Variants in GRM3 observed in about 807,000 individuals in gnomAD.
GRM3 encodes glutamate metabotropic receptor 3, also known as metabotropic glutamate receptor 3.
In GRM3, 26 loss-of-function variants were observed where a neutral mutation model predicts 70.5. The observed-to-expected ratio is 0.37, with a 90% CI of 0.27 to 0.51. GRM3 has a LOEUF of 0.51. GRM3 is among the 20% of genes least tolerant of loss of function. The probability of loss-of-function intolerance (pLI) is 0.93; values close to 1 mark genes in which losing one functional copy is unlikely to be tolerated. For synonymous variants in GRM3, 443 were observed against 434.9 expected, an observed-to-expected ratio of 1.02 and a Z score of -0.23; for missense variants, 859 against 1,123.8, an observed-to-expected ratio of 0.76 and a Z score of 3.37.
intron 1 of GRM3, among the ~76,000 whole-genome samples, chr7:86,715,409 C>T (rs886592252): frequency 2.6e-5 from 4 of 151,984 alleles, no homozygotes; most frequent in Non-Finnish European, 5.9e-5. Context: ...CTCCCTGAGC[C>T]TCTGTTTCCT....
intron 3 of GRM3, among the ~76,000 whole-genome samples, chr7:86,819,968 A>G (rs1183089930): frequency 2.6e-5 from 4 of 152,146 alleles, no homozygotes; most frequent in Non-Finnish European, 5.9e-5. Context: ...TACCTTTCCA[A>G]AAAGCTTCTG....
chr7:86,746,443 A>T (rs1329466686), intron 1 of GRM3, among the ~76,000 whole-genome samples: 1 of 148,056 alleles, frequency 6.8e-6, no homozygotes, highest in Non-Finnish European at 1.5e-5. Flanking sequence ...AAGTGGATAG[A>T]CTGCTAGAAT....
At chr7:86,744,176 C>G (rs546110725) in intron 1 of GRM3, among the ~76,000 whole-genome samples, 2 of 152,006 alleles carry the variant, frequency 1.3e-5, no homozygotes, top group Admixed American at 1.3e-4. Context: ...CAGCATAACT[C>G]ACACTCCCCT....
chr7:86,769,104 C>A (rs913025974), intron 2 of GRM3, among the ~76,000 whole-genome samples: 1 of 152,070 alleles, frequency 6.6e-6, no homozygotes, highest in African/African-American at 2.4e-5. Flanking sequence ...GAGAAGATTT[C>A]TCTGGGTACC....
chr7:86,759,224 T>C (rs1796420884), intron 1 of GRM3, among the ~76,000 whole-genome samples: 1 of 152,108 alleles, frequency 6.6e-6, no homozygotes, highest in Admixed American at 6.6e-5. Flanking sequence ...TAACATGTAT[T>C]CTAATTCTTT....
intron 3 of GRM3, among the ~76,000 whole-genome samples, chr7:86,813,480 A>T (rs1237479853): frequency 2.0e-5 from 3 of 151,894 alleles, no homozygotes; most frequent in African/African-American, 7.2e-5. Flanking sequence ...TACAGAGAAC[A>T]GCAGTTGAAT....
At chr7:86,729,156 C>A (rs1318260148) in intron 1 of GRM3, among the ~76,000 whole-genome samples, 1 of 152,008 alleles carries the variant, frequency 6.6e-6, no homozygotes, top group Non-Finnish European at 1.5e-5. Context: ...GCTGATGACC[C>A]TTAGATGTAG....
chr7:86,806,283 C>A (rs1797791373), intron 3 of GRM3, among the ~76,000 whole-genome samples: 1 of 152,150 alleles, frequency 6.6e-6, no homozygotes, highest in African/African-American at 2.4e-5. Context: ...ATGGCTGGGT[C>A]AAATGGTATT....
chr7:86,679,012 C>T (rs1056344117), intron 1 of GRM3, among the ~76,000 whole-genome samples: 2 of 151,950 alleles, frequency 1.3e-5, no homozygotes, highest in African/African-American at 4.8e-5. Flanking sequence ...TCAAGATAGA[C>T]TGTGTAGATT....
chr7:86,784,303 C>G (rs944628181), intron 2 of GRM3: 1 of 151,882 alleles, frequency 6.6e-6, no homozygotes, highest in Non-Finnish European at 1.5e-5. Context: ...TGTGATTCTT[C>G]GCTGCCAGAA....
At chr7:86,683,052 T>C (rs781018882) in intron 1 of GRM3, among the ~76,000 whole-genome samples, 7 of 152,152 alleles carry the variant, frequency 4.6e-5, no homozygotes, top group Admixed American at 1.3e-4. Context: ...TTTGAAAACA[T>C]TGGATCACAA....
Position 86,780,683 on chromosome 7 carries a change from A to G in GRM3, c.469-5578A>G, listed in dbSNP as rs575612295. On this transcript the variant is annotated intron_variant, in intron 2 of 5. Transcript: ENST00000361669. ...CACATAAATCAGAAAGCCAAATCTG[A>G]CTCTGATATTTATAGCTTGAAGCTT... Among the ~76,000 whole-genome samples, 14 of 152,154 alleles carry G rather than the reference A, an allele frequency of 9.2e-5. No homozygotes were observed. The South Asian group carries it at 2.9e-3, about 32-fold the overall frequency.
At chr7:86,670,782 C>CT (rs1794151719) in intron 1 of GRM3, among the ~76,000 whole-genome samples, 1 of 152,142 alleles carries the variant, frequency 6.6e-6, no homozygotes, top group Non-Finnish European at 1.5e-5. Context: ...AGTTCCTTCA[C>CT]TGGGTGGCTC....
intron 1 of GRM3, among the ~76,000 whole-genome samples, chr7:86,650,524 G>A (rs1793578838): frequency 6.6e-6 from 1 of 152,106 alleles, no homozygotes; most frequent in Admixed American, 6.6e-5. Context: ...CTCCACTCCA[G>A]ACACTGTCCC....
chr7:86,839,404 C>T lies in GRM3; in HGVS notation c.1890C>T (p.Phe630=), dbSNP rs879438629. The change falls in exon 4 of 6, where the codon TTC becomes TTT. Residue 630 remains phenylalanine, a synonymous_variant. Transcript: ENST00000361669. This position sits in a 1 kb window ranked among gnomAD's most constrained non-coding sequence, Gnocchi z 4.5. The part of the protein sequence containing the change: ...FGVGLSYCMT[F]FFIAKPSPVI... ...TTGGCCTGTCATACTGCATGACATT[C>T]TTCTTCATTGCCAAGCCATCACCAG... 1 of 1,614,020 alleles carries T rather than the reference C, an allele frequency of 6.2e-7. No homozygotes were observed. The highest frequency in any genetic ancestry group is 1.3e-5 in the African/African-American group (1 of 75,036).
At chr7:86,697,719 C>T (rs1204055342) in intron 1 of GRM3, among the ~76,000 whole-genome samples, 4 of 151,912 alleles carry the variant, frequency 2.6e-5, no homozygotes, top group Non-Finnish European at 4.4e-5. Flanking sequence ...ATTGAAATCC[C>T]TTTGCAAACT....
At chr7:86,691,508 T>C (rs1794695507) in intron 1 of GRM3, among the ~76,000 whole-genome samples, 2 of 152,188 alleles carry the variant, frequency 1.3e-5, no homozygotes, top group African/African-American at 2.4e-5. Flanking sequence ...ATAGGGCATA[T>C]AGGAAAGGCA....
chr7:86,833,080 T>C, intron 3 of GRM3: 1 of 980,094 alleles, frequency 1.0e-6, no homozygotes. Flanking sequence ...TATTTTTCCA[T>C]TTCTGATGAT....
chr7:86,756,944 A>C (rs1796360432), intron 1 of GRM3, among the ~76,000 whole-genome samples: 1 of 151,956 alleles, frequency 6.6e-6, no homozygotes, highest in African/African-American at 2.4e-5. Flanking sequence ...TTTCAAGTTT[A>C]TTATTTTGCC....
Sources: gnomAD v4.1 joint callset for allele counts (sites outside exome capture counted in the v4.1 genomes callset) on GRCh38, gnomAD v4.1.1 for gene constraint, Gnocchi (gnomAD v3.1) non-coding constraint, MANE v1.5 for transcripts, NCBI Gene and HGNC (gene_info 2026-07-23, HGNC 2026-07-21) for gene names.